CAMK4: variants seen among roughly 807,000 people sequenced by gnomAD.
CAMK4 encodes calcium/calmodulin dependent protein kinase IV.
CAMK4 carries 22 observed loss-of-function variants against 44.9 expected under a neutral mutation model. That is an observed-to-expected ratio of 0.49 (90% CI 0.35 to 0.70). CAMK4 has a LOEUF of 0.70. Ranked by LOEUF, CAMK4 falls within the 30% of genes least tolerant of loss-of-function variation. CAMK4 has a pLI of 0.01. For missense variants in CAMK4, 498 were observed against 586.8 expected (o/e 0.85, Z 1.56); for synonymous variants, 218 against 215.4 (o/e 1.01, Z -0.11).
Position 111,293,742 on chromosome 5 carries a change from C to CTTTT in CAMK4, c.162-50263_162-50260dup, listed in dbSNP as rs35117453. Among the ~76,000 whole-genome samples, 26 of 83,518 alleles carry CTTTT rather than the reference C, an allele frequency of 3.1e-4. 1 individual carries two copies. Among genetic ancestry groups the CTTTT allele is most frequent in the East Asian group, 6.4e-4 (2 of 3,116 alleles). The allele number at this position is 83,518 out of a possible 152,430, so 54.8% of individuals were successfully genotyped here. Reference sequence around the variant, plus strand: ...GCCATCACGCCTGGCTGCTGCTCTACTTTTTTTTTTTTTTTTTTTTTTGAG... The same window carrying CTTTT: ...GCCATCACGCCTGGCTGCTGCTCTACTTTTTTTTTTTTTTTTTTTTTTTTTTGAG... On this transcript the variant is annotated intron_variant, in intron 1 of 10. Transcript: ENST00000282356.
chr5:111,284,616 G>T (rs1227974081), intron 1 of CAMK4, among the ~76,000 whole-genome samples: 1 of 152,182 alleles, frequency 6.6e-6, no homozygotes. Context: ...GTTTAGAGCT[G>T]CAAGAACTTC....
At chr5:111,266,415 A>G (rs762537229) in intron 1 of CAMK4, among the ~76,000 whole-genome samples, 1 of 152,124 alleles carries the variant, frequency 6.6e-6, no homozygotes, top group Admixed American at 6.5e-5. Context: ...GGTGTATTTT[A>G]CTATTCTCAG....
intron 8 of CAMK4, among the ~76,000 whole-genome samples, chr5:111,475,642 C>G (rs1000830619): frequency 2.6e-5 from 4 of 152,140 alleles, no homozygotes; most frequent in African/African-American, 7.2e-5. Context: ...TGGTAGCCTC[C>G]AAAATGAAAA....
At chr5:111,268,422 T>C (rs1395405479) in intron 1 of CAMK4, among the ~76,000 whole-genome samples, 1 of 152,204 alleles carries the variant, frequency 6.6e-6, no homozygotes, top group Non-Finnish European at 1.5e-5. Flanking sequence ...CAAATTTTCA[T>C]GGGAATAATG....
intron 1 of CAMK4, chr5:111,265,812 A>G (rs2112571007): frequency 6.6e-6 from 1 of 152,364 alleles, no homozygotes; most frequent in South Asian, 2.1e-4. Flanking sequence ...TGCTTCATTA[A>G]AAGATTTACT....
intron 5 of CAMK4, among the ~76,000 whole-genome samples, chr5:111,400,803 GGTCA>G (rs1752195112): frequency 6.6e-6 from 1 of 152,118 alleles, no homozygotes; most frequent in Non-Finnish European, 1.5e-5. Context: ...AAATGGTCTA[GGTCA>G]GTCTGGACAT....
chr5:111,447,503 G>A (rs4957953), intron 6 of CAMK4, among the ~76,000 whole-genome samples: 125,765 of 152,218 alleles, frequency 0.83, 52,535 homozygotes, highest in African/African-American at 0.92. Context: ...AACTATAAAG[G>A]TGAACTTTGG....
chr5:111,465,317 A>G (rs1441884522), intron 7 of CAMK4, among the ~76,000 whole-genome samples: 1 of 151,882 alleles, frequency 6.6e-6, no homozygotes, highest in East Asian at 1.9e-4. Flanking sequence ...AACAAACCCA[A>G]CTCAACCCAA....
At chr5:111,339,495 A>G (rs1749550128) in intron 1 of CAMK4, among the ~76,000 whole-genome samples, 2 of 151,298 alleles carry the variant, frequency 1.3e-5, no homozygotes, top group South Asian at 4.1e-4. Context: ...TTCCTTCCCC[A>G]TTATGTGTTC....
chr5:111,231,841 A>G (rs62376853), intron 1 of CAMK4, among the ~76,000 whole-genome samples: 33,147 of 152,192 alleles, frequency 0.22, 3,989 homozygotes, highest in Non-Finnish European at 0.28. Flanking sequence ...TGGAAACATA[A>G]CATTTTTAGT....
intron 1 of CAMK4, among the ~76,000 whole-genome samples, chr5:111,309,178 ATTG>A (rs776217641): frequency 3.4e-4 from 51 of 152,184 alleles, no homozygotes; most frequent in African/African-American, 5.5e-4. Flanking sequence ...TCGCTTAACA[ATTG>A]TTGTGCTTTG....
intron 5 of CAMK4, among the ~76,000 whole-genome samples, chr5:111,397,097 A>G (rs1332863215): frequency 1.3e-5 from 2 of 152,248 alleles, no homozygotes; most frequent in African/African-American, 4.8e-5. Flanking sequence ...AAATTAATCA[A>G]GTAAACTTGC....
chr5:111,418,491 T>C (rs755247772), intron 5 of CAMK4, among the ~76,000 whole-genome samples: 1 of 152,146 alleles, frequency 6.6e-6, no homozygotes, highest in Non-Finnish European at 1.5e-5. Flanking sequence ...GTGCACAATG[T>C]GCAGATTTGT....
chr5:111,224,303 G>C (rs1217284774), upstream of CAMK4: 1 of 888,624 alleles, frequency 1.1e-6, no homozygotes, highest in South Asian at 3.0e-5. The surrounding 1 kb of genome is among the most constrained non-coding windows in gnomAD (Gnocchi z 5.7). Context: ...CTCTCGCAGA[G>C]GCTCGCCCCC....
chr5:111,402,294 A>C (rs1752257078), intron 5 of CAMK4, among the ~76,000 whole-genome samples: 1 of 152,262 alleles, frequency 6.6e-6, no homozygotes, highest in Admixed American at 6.5e-5. Flanking sequence ...TGGAGACAAT[A>C]GCTTAATAAA....
intron 4 of CAMK4, among the ~76,000 whole-genome samples, chr5:111,378,287 G>T (rs1319477702): frequency 1.3e-5 from 2 of 152,062 alleles, no homozygotes; most frequent in Non-Finnish European, 2.9e-5. Context: ...CCAGCCTCCA[G>T]ACCTGTGAGA....
intron 2 of CAMK4, among the ~76,000 whole-genome samples, chr5:111,348,805 T>A (rs903464688): frequency 6.6e-6 from 1 of 152,020 alleles, no homozygotes; most frequent in East Asian, 1.9e-4. Flanking sequence ...TAATTCAACA[T>A]TGAGACCCTG....
intron 2 of CAMK4, among the ~76,000 whole-genome samples, chr5:111,360,918 T>G (rs1750565501): frequency 6.6e-6 from 1 of 152,104 alleles, no homozygotes. Context: ...AGAATCTCTG[T>G]CTTTCCCATT....
intron 1 of CAMK4, among the ~76,000 whole-genome samples, chr5:111,337,770 G>C (rs982705488): frequency 3.3e-5 from 5 of 151,102 alleles, no homozygotes; most frequent in Non-Finnish European, 7.4e-5. Context: ...ATCGGTGAGT[G>C]ACAGCAGTGG....
Sources: gnomAD v4.1 joint callset for allele counts (sites outside exome capture counted in the v4.1 genomes callset) on GRCh38, gnomAD v4.1.1 for gene constraint, Gnocchi (gnomAD v3.1) non-coding constraint, MANE v1.5 for transcripts, NCBI Gene and HGNC (gene_info 2026-07-23, HGNC 2026-07-21) for gene names.